The following ARHGAP32 variants were observed in gnomAD, a reference collection of about 807,000 sequenced individuals.
ARHGAP32 encodes the protein rho GTPase-activating protein 32.
Under a neutral mutation model 186.5 loss-of-function variants are expected in ARHGAP32, and 51 were observed. That is an observed-to-expected ratio of 0.27 (90% CI 0.22 to 0.35). ARHGAP32 has a LOEUF of 0.35. Ranked by LOEUF, ARHGAP32 falls within the 10% of genes least tolerant of loss-of-function variation. ARHGAP32 has a pLI of 1.00. For missense variants in ARHGAP32, 2,186 were observed against 2,623.5 expected (o/e 0.83, Z 3.64); for synonymous variants, 950 against 964.3 (o/e 0.99, Z 0.27).
chr11:129,077,653 G>C (rs1353716129), intron 6 of ARHGAP32, among the ~76,000 whole-genome samples: 1 of 151,992 alleles, frequency 6.6e-6, no homozygotes, highest in Non-Finnish European at 1.5e-5. Flanking sequence ...CCTCACCCAA[G>C]CTCAGATCCG....
chr11:129,102,209 T>C (rs937793743), intron 5 of ARHGAP32, among the ~76,000 whole-genome samples: 1 of 152,096 alleles, frequency 6.6e-6, no homozygotes, highest in Admixed American at 6.5e-5. Context: ...AAGCACTAAA[T>C]ATGGAAAAGA....
intron 6 of ARHGAP32, among the ~76,000 whole-genome samples, chr11:129,078,259 G>A (rs149813376): frequency 6.6e-6 from 1 of 152,176 alleles, no homozygotes; most frequent in Non-Finnish European, 1.5e-5. Context: ...GGAAGGGGGT[G>A]AGCACCACAT....
intron 8 of ARHGAP32, 131 bp from the exon 9 acceptor site, chr11:129,064,155 A>AGTAAATGGTAGTTT: frequency 1.4e-6 from 1 of 733,200 alleles, no homozygotes; most frequent in Non-Finnish European, 2.1e-6. Context: ...AAAAACTACC[A>AGTAAATGGTAGTTT]TTTACTGGGT....
At chr11:129,250,608 C>G (rs10790996) in intron 1 of ARHGAP32, among the ~76,000 whole-genome samples, 33,301 of 152,080 alleles carry the variant, frequency 0.22, 3,757 homozygotes, top group East Asian at 0.24. Flanking sequence ...AACACTGAGG[C>G]TTCATTCCAG....
chr11:129,089,177 T>G (rs958066227), intron 6 of ARHGAP32, among the ~76,000 whole-genome samples: 1 of 152,174 alleles, frequency 6.6e-6, no homozygotes, highest in African/African-American at 2.4e-5. Context: ...TTTCACTCAT[T>G]TATTCACTAG....
chr11:129,101,200 G>A (rs145256678), intron 5 of ARHGAP32, among the ~76,000 whole-genome samples: 352 of 151,992 alleles, frequency 2.3e-3, no homozygotes, highest in African/African-American at 8.3e-3. Flanking sequence ...AGGATAAAAG[G>A]GGGAAAAAAA....
At chr11:129,106,996 C>T (rs994915142) in intron 5 of ARHGAP32, among the ~76,000 whole-genome samples, 1 of 151,922 alleles carries the variant, frequency 6.6e-6, no homozygotes, top group Non-Finnish European at 1.5e-5. Flanking sequence ...GAGTTCCACA[C>T]CAAGACACAC....
At chr11:129,040,511 GT>G (rs1555078354) in intron 11 of ARHGAP32, among the ~76,000 whole-genome samples, 1 of 152,126 alleles carries the variant, frequency 6.6e-6, no homozygotes, top group Non-Finnish European at 1.5e-5. Context: ...TACTGTATAA[GT>G]AATAAGAAAT....
chr11:129,169,218 T>A (rs2135498872), intron 1 of ARHGAP32, among the ~76,000 whole-genome samples: 1 of 152,184 alleles, frequency 6.6e-6, no homozygotes, highest in South Asian at 2.1e-4. Flanking sequence ...GGTTGATTCT[T>A]TAAAAGATTA....
chr11:128,969,980 G>A lies in ARHGAP32; in HGVS notation c.5233C>T (p.Pro1745Ser). ...PNDHNVVSMPPAADVKHTYTS... is the reference protein window; with the variant it reads ...PNDHNVVSMPSAADVKHTYTS... ...TAGGTGTGCTTCACATCAGCAGCCG[G>A]AGGCATGCTGACTACATTATGGTCG... Residue 1745 changes from proline to serine, a missense_variant, in exon 23 of 23, where the codon CCG becomes TCG. This residue lies in a region of ARHGAP32 where 1,502 missense variants were observed against 1,570.0 expected (regional missense o/e 0.96). Transcript: ENST00000682385. This position sits in a 1 kb window ranked among gnomAD's most constrained non-coding sequence, Gnocchi z 4.8. The A allele has an allele frequency of 1.2e-6, 2 of 1,614,178 alleles. No homozygotes were observed. Among genetic ancestry groups the A allele is most frequent in the Non-Finnish European group, 1.7e-6 (2 of 1,180,016 alleles).
chr11:129,209,995 G>A (rs998855175), intron 1 of ARHGAP32, among the ~76,000 whole-genome samples: 2 of 152,150 alleles, frequency 1.3e-5, no homozygotes, highest in African/African-American at 2.4e-5. Context: ...TCAAGTGCAC[G>A]AACTCTGGTT....
intron 10 of ARHGAP32, among the ~76,000 whole-genome samples, chr11:129,056,664 G>A (rs1940264477): frequency 6.6e-6 from 1 of 152,236 alleles, no homozygotes; most frequent in African/African-American, 2.4e-5. Flanking sequence ...CAGCTGGCCA[G>A]AAAGGAGATC....
chr11:129,185,339 A>G (rs1226287348), intron 1 of ARHGAP32, among the ~76,000 whole-genome samples: 2 of 152,214 alleles, frequency 1.3e-5, no homozygotes, highest in Non-Finnish European at 2.9e-5. Context: ...ATTCTCAGCA[A>G]ACTATCACAA....
intron 1 of ARHGAP32, among the ~76,000 whole-genome samples, chr11:129,215,672 G>A (rs914825204): frequency 6.6e-6 from 1 of 152,048 alleles, no homozygotes; most frequent in African/African-American, 2.4e-5. Flanking sequence ...TGACTCTCCT[G>A]TCTCTCTGAG....
chr11:129,144,956 A>G (rs1162261050), intron 2 of ARHGAP32, among the ~76,000 whole-genome samples: 1 of 152,164 alleles, frequency 6.6e-6, no homozygotes, highest in Non-Finnish European at 1.5e-5. Flanking sequence ...CTCCTCTGCT[A>G]GGCAACAGCT....
In ARHGAP32 at chr11:129,227,901, G is replaced by A. The variant is rs181697896; in HGVS notation, c.-5+51245C>T. 1.0e-3 allele frequency among the ~76,000 whole-genome samples: 154 copies of A among 152,214 alleles called. 2 individuals carry two copies. The highest frequency in any genetic ancestry group is 9.8e-3 in the Admixed American group (150 of 15,260). On this transcript the variant is annotated intron_variant, in intron 1 of 6. Transcript: ENST00000525234. ...CAACCTGACCTAACAGACACCTACA[G>A]GGTATTTTACCCAACAACAATAATA...
intron 12 of ARHGAP32, among the ~76,000 whole-genome samples, chr11:128,996,099 G>A (rs1303737745): frequency 6.6e-6 from 1 of 152,054 alleles, no homozygotes; most frequent in Non-Finnish European, 1.5e-5. Context: ...TTATGGCACT[G>A]GATATCATAA....
At chr11:129,261,059 C>T (rs979163255) in intron 1 of ARHGAP32, among the ~76,000 whole-genome samples, 1 of 151,606 alleles carries the variant, frequency 6.6e-6, no homozygotes, top group African/African-American at 2.4e-5. Context: ...GGGTGCTAAA[C>T]GCCACACTCC....
At position 129,178,480 on chromosome 11, in the gene ARHGAP32, G is replaced by A. The variant is rs186176194; in HGVS notation, c.116+13603C>T. On this transcript the variant is annotated intron_variant, in intron 1 of 22. Transcript: ENST00000682385. ...ATGGAACCAAAAAAGAGCCCACAAC[G>A]CCAAGTCAATCCTAAGCCAAAAGAA... 1.2e-3 allele frequency among the ~76,000 whole-genome samples: 187 copies of A among 152,086 alleles called. 3 individuals are homozygous for A. The highest frequency in any genetic ancestry group is 4.1e-3 in the African/African-American group (168 of 41,434).
Sources: gnomAD v4.1 joint callset for allele counts (sites outside exome capture counted in the v4.1 genomes callset) on GRCh38, gnomAD v4.1.1 for gene constraint, gnomAD v4.1.1 regional missense constraint, Gnocchi (gnomAD v3.1) non-coding constraint, MANE v1.5 for transcripts, NCBI Gene and HGNC (gene_info 2026-07-23, HGNC 2026-07-21) for gene names.